The following POLDIP3 variants were observed in gnomAD, a reference collection of about 807,000 sequenced individuals.
The protein encoded by POLDIP3 is DNA polymerase delta interacting protein 3.
POLDIP3 carries 14 observed loss-of-function variants against 45.1 expected under a neutral mutation model. The observed-to-expected ratio is 0.31, with a 90% CI of 0.20 to 0.49. POLDIP3 has a LOEUF of 0.49. POLDIP3 is among the 20% of genes least tolerant of loss of function. POLDIP3 has a pLI of 0.99. For missense variants in POLDIP3, 511 were observed against 538.8 expected (o/e 0.95, Z 0.51); for synonymous variants, 223 against 205.2 (o/e 1.09, Z -0.74).
intron 4 of POLDIP3, among the ~76,000 whole-genome samples, chr22:42,598,379 T>C (rs1388158179): frequency 6.6e-6 from 1 of 150,578 alleles, no homozygotes; most frequent in Non-Finnish European, 1.5e-5. Flanking sequence ...GCCTCTAGAG[T>C]AGCTGGGACT....
chr22:42,604,332 C>T (rs1475729214), intron 1 of POLDIP3, among the ~76,000 whole-genome samples: 2 of 152,086 alleles, frequency 1.3e-5, no homozygotes, highest in South Asian at 2.1e-4. Flanking sequence ...GGGCCCAGCA[C>T]CTCCTAAGCA....
At chr22:42,598,939 T>G (rs564267784) in intron 4 of POLDIP3, among the ~76,000 whole-genome samples, 87 of 152,326 alleles carry the variant, frequency 5.7e-4, no homozygotes, top group African/African-American at 2.0e-3. Flanking sequence ...CCTAGCAAGC[T>G]TTCCCTGCAT....
chr22:42,600,829 C>T (rs1430455210), intron 3 of POLDIP3, among the ~76,000 whole-genome samples: 2 of 152,044 alleles, frequency 1.3e-5, no homozygotes, highest in African/African-American at 4.8e-5. Flanking sequence ...ATTAGCCAGG[C>T]GCGGTGACTC....
intron 3 of POLDIP3, among the ~76,000 whole-genome samples, chr22:42,600,468 T>C (rs1926284858): frequency 6.7e-6 from 1 of 148,206 alleles, no homozygotes; most frequent in African/African-American, 2.5e-5. Context: ...CTACGAAAAA[T>C]ACAAACAATG....
At chr22:42,594,562 C>T (rs1039249810) in intron 6 of POLDIP3, among the ~76,000 whole-genome samples, 1 of 152,156 alleles carries the variant, frequency 6.6e-6, no homozygotes, top group South Asian at 2.1e-4. Flanking sequence ...GTGACCAGTG[C>T]AGTCTGTTAG....
rs1349722991 is a variant in POLDIP3, at chr22:42,585,619, C to A, written c.*172G>T. On this transcript the variant is annotated 3_prime_UTR_variant, in exon 9 of 9. Transcript: ENST00000252115. ...TTAACGTAGAGAGAAGAGCACAGGG[C>A]AGAACACAACACAGAAAGGCGGGTC... The A allele has an allele frequency of 6.9e-6, 5 of 719,762 alleles. No individual in the cohort carries two copies. The highest frequency in any genetic ancestry group is 1.2e-5 in the Non-Finnish European group (5 of 421,804). 44.6% of individuals were successfully genotyped at this position (719,762 alleles called of 1,614,324 possible). A position where few individuals can be genotyped will look rare whatever the true frequency, so the allele number is the denominator to read the frequency against.
At chr22:42,594,920 T>C (rs1036204504) in intron 6 of POLDIP3, among the ~76,000 whole-genome samples, 2 of 152,224 alleles carry the variant, frequency 1.3e-5, no homozygotes, top group Non-Finnish European at 2.9e-5. Context: ...TTAGGACCCA[T>C]TATAGCATAG....
At chr22:42,587,953 A>T (rs923508433) in intron 7 of POLDIP3, among the ~76,000 whole-genome samples, 2 of 152,230 alleles carry the variant, frequency 1.3e-5, no homozygotes, top group African/African-American at 4.8e-5. Context: ...TCTGTCTACA[A>T]AGGATGAAGC....
At chr22:42,586,448 C>A (rs944007080) in intron 8 of POLDIP3, among the ~76,000 whole-genome samples, 2 of 152,068 alleles carry the variant, frequency 1.3e-5, no homozygotes, top group African/African-American at 2.4e-5. Flanking sequence ...CCACCTCGGC[C>A]CCCCAAGTAA....
chr22:42,601,367 C>A lies in POLDIP3; in HGVS notation c.537+603G>T, dbSNP rs373437753. 3.2e-3 allele frequency among the ~76,000 whole-genome samples: 398 copies of A among 124,430 alleles called. 2 individuals carry two copies. Among genetic ancestry groups the A allele is most frequent in the African/African-American group, 0.011 (358 of 33,350 alleles). The allele number at this position is 124,430 out of a possible 152,430, so 81.6% of individuals were successfully genotyped here. On this transcript the variant is annotated intron_variant, in intron 3 of 8. Transcript: ENST00000252115. ...GTTCTCCAGAAAAAGGAAAAAAAAA[C>A]AAAACAAAAGACAAAAAAAAAAAAA...
At chr22:42,602,122 T>C in intron 2 of POLDIP3, 66 bp from the exon 3 acceptor site, 2 of 1,608,682 alleles carry the variant, frequency 1.2e-6, no homozygotes, top group Non-Finnish European at 1.7e-6. Context: ...AAGAAGGGGG[T>C]TACTGAACTT....
intron 4 of POLDIP3, among the ~76,000 whole-genome samples, chr22:42,599,375 G>A (rs1010834243): frequency 2.0e-5 from 3 of 152,206 alleles, no homozygotes; most frequent in Non-Finnish European, 2.9e-5. Flanking sequence ...AGGCCGAGGC[G>A]TGCGGATCAC....
chr22:42,599,371 A>T (rs1049606529), intron 4 of POLDIP3, among the ~76,000 whole-genome samples: 1 of 152,254 alleles, frequency 6.6e-6, no homozygotes, highest in Non-Finnish European at 1.5e-5. Context: ...TGGGAGGCCG[A>T]GGCGTGCGGA....
At chr22:42,609,455 T>G (rs1321031136) in intron 1 of POLDIP3, among the ~76,000 whole-genome samples, 1 of 152,128 alleles carries the variant, frequency 6.6e-6, no homozygotes, top group Non-Finnish European at 1.5e-5. Flanking sequence ...GAACCTGGCA[T>G]AGGTGTGATG....
intron 7 of POLDIP3, among the ~76,000 whole-genome samples, chr22:42,588,753 G>C (rs79640672): frequency 0.15 from 22,231 of 151,228 alleles, 2,791 homozygotes; most frequent in East Asian, 0.55. Flanking sequence ...CTCAGCCTCC[G>C]GAGTAACTGG....
chr22:42,606,508 G>A (rs544991679), intron 1 of POLDIP3, among the ~76,000 whole-genome samples: 1 of 152,208 alleles, frequency 6.6e-6, no homozygotes, highest in Non-Finnish European at 1.5e-5. Flanking sequence ...GGCAGCATGA[G>A]TCTACTCCAC....
chr22:42,592,236 T>G lies in POLDIP3; in HGVS notation c.892-152A>C. On this transcript the variant is annotated intron_variant, in intron 6 of 8. Coordinates refer to ENST00000252115, the MANE Select transcript of POLDIP3 (RefSeq NM_032311.5). ...GGAGGCTCCACGCGAGGTGGTGCTC[T>G]GGAGACATCCACAGGCTTCAACACA... 2.6e-6 allele frequency: 3 copies of G among 1,149,444 alleles called. No individual in the cohort carries two copies. In the East Asian group the frequency reaches 7.2e-5, roughly 28 times the overall value. The allele number at this position is 1,149,444 out of a possible 1,614,324, so 71.2% of individuals were successfully genotyped here.
chr22:42,585,165 A>C lies in POLDIP3; in HGVS notation c.*626T>G. ...ACACGGGACTCCAAGCCAAGAGCTT[A>C]GATAGACTCTTCCCAGCGGTGCAGC... is the stretch of plus-strand genomic sequence containing the variant. On this transcript the variant is annotated 3_prime_UTR_variant, in exon 9 of 9. Transcript: ENST00000252115. 1 of 466,742 alleles carries C rather than the reference A, an allele frequency of 2.1e-6. No homozygotes were observed. Among genetic ancestry groups the C allele is most frequent in the Non-Finnish European group, 4.3e-6 (1 of 233,858 alleles). The allele number at this position is 466,742 out of a possible 1,614,324, so 28.9% of individuals were successfully genotyped here. A position where few individuals can be genotyped will look rare whatever the true frequency, so the allele number is the denominator to read the frequency against.
At position 42,602,005 on chromosome 22, in the gene POLDIP3, T is replaced by G; in HGVS notation, c.502A>C (p.Arg168=). ...APLHPHPAGM[R]INVVNNHQAK... ...TGGTGGTTATTGACAACATTGATTC[T>G]CATTCCGGCAGGATGGGGATGAAGT... The change falls in exon 3 of 9, where the codon AGA becomes CGA. Residue 168 remains arginine (R), a synonymous_variant. Coordinates refer to ENST00000252115, the MANE Select transcript of POLDIP3 (RefSeq NM_032311.5). 6.2e-7 allele frequency: 1 copy of G among 1,614,174 alleles called. No homozygotes were observed. The highest frequency in any genetic ancestry group is 8.5e-7 in the Non-Finnish European group (1 of 1,180,022).
Sources: allele counts gnomAD v4.1 joint callset (sites outside exome capture counted in the v4.1 genomes callset), GRCh38; gene constraint gnomAD v4.1.1; transcripts MANE v1.5; gene names NCBI Gene and HGNC (gene_info 2026-07-23, HGNC 2026-07-21).